AK8: variants seen among roughly 807,000 people sequenced by gnomAD.
The protein encoded by AK8 is adenylate kinase 8, also known as ATP-AMP transphosphorylase 8.
In AK8, 44 loss-of-function variants were observed where a neutral mutation model predicts 54.6. The ratio of observed to expected loss-of-function variants is 0.81; its 90% CI spans 0.63 to 1.04. The LOEUF is 1.04. Ranked by LOEUF, AK8 falls within the 50% of genes least tolerant of loss-of-function variation. The pLI, the probability that AK8 is intolerant of heterozygous loss-of-function variation, is 0.00. For missense variants in AK8, 555 were observed against 613.6 expected (o/e 0.90, Z 1.01); for synonymous variants, 239 against 245.6 (o/e 0.97, Z 0.25).
chr9:132,854,744 C>A, intron 5 of AK8, 113 bp downstream of exon 5: 2 of 1,182,900 alleles, frequency 1.7e-6, no homozygotes, highest in Non-Finnish European at 2.5e-6. Context: ...TTCCCGTTTG[C>A]CTGCCTTACC....
At chr9:132,854,380 C>T (rs994027991) in intron 5 of AK8, among the ~76,000 whole-genome samples, 1 of 152,166 alleles carries the variant, frequency 6.6e-6, no homozygotes, top group Non-Finnish European at 1.5e-5. Context: ...CCCTCCCCTG[C>T]CCTCTCCACC....
Position 132,725,705 on chromosome 9 carries a change from G to C in AK8, c.1423C>G (p.Pro475Ala), listed in dbSNP as rs774005338. ...TGAACCCATCAGGGGATTTTCTTGG[G>C]CAGGGGATTAATGATCCCACTCTCG... is the stretch of plus-strand genomic sequence containing the variant. Reference protein sequence around the residue: ...YIESGIINPLPKKIP With the variant: ...YIESGIINPLAKKIP The change falls in exon 13 of 13, where the codon CCC becomes GCC. Residue 475 changes from proline (P) to alanine (A), a missense_variant. Transcript: ENST00000298545. 6.3e-7 allele frequency: 1 copy of C among 1,576,184 alleles called. No homozygotes were observed. The highest frequency in any genetic ancestry group is 1.9e-5 in the Admixed American group (1 of 54,042).
At chr9:132,862,504 A>C (rs1301715722) in intron 4 of AK8, among the ~76,000 whole-genome samples, 1 of 151,570 alleles carries the variant, frequency 6.6e-6, no homozygotes. Flanking sequence ...ATTTTTTTGT[A>C]TTTTGGTAGA....
chr9:132,828,589 G>A, intron 6 of AK8, 56 bp downstream of exon 6: 1 of 1,522,762 alleles, frequency 6.6e-7, no homozygotes, highest in Non-Finnish European at 9.0e-7. Flanking sequence ...GGCGCTCACT[G>A]GCCACCCCTT....
Position 132,837,919 on chromosome 9 carries a change from T to G in AK8, c.403-9193A>C, listed in dbSNP as rs1181509552. Among the ~76,000 whole-genome samples the G allele has an allele frequency of 6.6e-6, 1 of 152,174 alleles. No homozygotes were observed. Among genetic ancestry groups the G allele is most frequent in the East Asian group, 1.9e-4 (1 of 5,192 alleles). On this transcript the variant is annotated intron_variant, in intron 5 of 12. Transcript: ENST00000298545. This position sits in a 1 kb window ranked among gnomAD's most constrained non-coding sequence, Gnocchi z 4.3. ...ACTCAGACCTCCACTTCCAATCCCC[T>G]GCAAAGCTAACTGCATCTGTATTTG...
intron 5 of AK8, among the ~76,000 whole-genome samples, chr9:132,847,770 C>CA (rs1285666973): frequency 2.0e-5 from 3 of 152,136 alleles, no homozygotes; most frequent in South Asian, 2.1e-4. Context: ...CACTTAAGCA[C>CA]AGGAGTTTGA....
intron 11 of AK8, among the ~76,000 whole-genome samples, chr9:132,745,204 T>C (rs1837585242): frequency 6.6e-6 from 1 of 152,168 alleles, no homozygotes; most frequent in African/African-American, 2.4e-5. Flanking sequence ...GCGATTAAAT[T>C]ATAATGCGGG....
chr9:132,802,105 C>G (rs1402104798), intron 10 of AK8, among the ~76,000 whole-genome samples: 1 of 152,232 alleles, frequency 6.6e-6, no homozygotes, highest in Admixed American at 6.5e-5. Flanking sequence ...CAAAATTGGG[C>G]TCCAAAGCCA....
Position 132,878,058 on chromosome 9 carries a change from G to A in AK8, c.84+114C>T. ...CGAATCGTACATCCCGAGTTGGGCT[G>A]CTTCGTGGGCGCGCGACTCGGCCCC... On this transcript the variant is annotated intron_variant, in intron 1 of 12. Coordinates refer to ENST00000298545, the MANE Select transcript of AK8 (RefSeq NM_152572.3). The surrounding 1 kb of genome is among the most constrained non-coding windows in gnomAD (Gnocchi z 4.7). 2 of 1,535,138 alleles carry A rather than the reference G, an allele frequency of 1.3e-6. No individual in the cohort carries two copies. The highest frequency in any genetic ancestry group is 1.8e-6 in the Non-Finnish European group (2 of 1,135,566).
intron 5 of AK8, among the ~76,000 whole-genome samples, chr9:132,844,862 C>A (rs149975089): frequency 6.6e-6 from 1 of 152,190 alleles, no homozygotes; most frequent in Non-Finnish European, 1.5e-5. Flanking sequence ...CAGAGTAACA[C>A]GCTCTGTGCC....
At position 132,878,089 on chromosome 9, in the gene AK8, C is replaced by T; in HGVS notation, c.84+83G>A. The T allele has an allele frequency of 6.5e-7, 1 of 1,534,680 alleles. No individual in the cohort carries two copies. The highest frequency in any genetic ancestry group is 8.8e-7 in the Non-Finnish European group (1 of 1,135,812). Reference sequence around the variant, plus strand: ...TGGGCGCGCGACTCGGCCCCAGCTGCGGGTCCCGGCCGCGCACCCGACGTC... The same window carrying T: ...TGGGCGCGCGACTCGGCCCCAGCTGTGGGTCCCGGCCGCGCACCCGACGTC... On this transcript the variant is annotated intron_variant, in intron 1 of 12. Transcript: ENST00000298545. The surrounding 1 kb of genome is among the most constrained non-coding windows in gnomAD (Gnocchi z 4.7).
At chr9:132,875,634 C>A (rs1224488135) in intron 1 of AK8, among the ~76,000 whole-genome samples, 1 of 152,242 alleles carries the variant, frequency 6.6e-6, no homozygotes, top group Non-Finnish European at 1.5e-5. Context: ...TGGGAACATA[C>A]CTTCCTGAGT....
chr9:132,827,723 G>A (rs988124713), intron 7 of AK8: 1 of 432,104 alleles, frequency 2.3e-6, no homozygotes, highest in Non-Finnish European at 4.2e-6. Context: ...ATGTCCCCTG[G>A]CTCCTGTGTG....
Position 132,791,679 on chromosome 9 carries a change from A to G in AK8, c.1121+955T>C, listed in dbSNP as rs888428066. The stretch of plus-strand genomic sequence containing the variant: ...GAGAAAGTTCAGAAACAGGCCCAGT[A>G]TATTGAGAGACTAAACACACAGTTT... On this transcript the variant is annotated intron_variant, in intron 11 of 12. Transcript: ENST00000298545. The surrounding 1 kb of genome is among the most constrained non-coding windows in gnomAD (Gnocchi z 4.0). Among the ~76,000 whole-genome samples, 16 of 152,210 alleles carry G rather than the reference A, an allele frequency of 1.1e-4. No homozygotes were observed. The highest frequency in any genetic ancestry group is 3.9e-4 in the African/African-American group (16 of 41,444).
At position 132,866,898 on chromosome 9, in the gene AK8, A is replaced by C. The variant is rs763361131; in HGVS notation, c.219+6T>G. 5 of 1,613,438 alleles carry C rather than the reference A, an allele frequency of 3.1e-6. No homozygotes were observed. In the South Asian group the frequency reaches 4.4e-5, roughly 14 times the overall value. The stretch of plus-strand genomic sequence containing the variant: ...AGCATCACAACACTTAATATGATAC[A>C]CTTACTATTGTTGTTTTCCCTGAGG... On this transcript the variant is annotated splice_donor_region_variant and intron_variant, in intron 3 of 12. Transcript: ENST00000298545.
In AK8 at chr9:132,799,410, G is replaced by A. The variant is rs1168416648; in HGVS notation, c.980-6635C>T. Among the ~76,000 whole-genome samples the A allele has an allele frequency of 6.6e-6, 1 of 151,986 alleles. No individual in the cohort carries two copies. Among genetic ancestry groups the A allele is most frequent in the Non-Finnish European group, 1.5e-5 (1 of 67,996 alleles). ...CATGTGAGCCTCCTTGGCACCCTAG[G>A]GCAAACAGGAAAGAGCTGAGTGCCT... is the stretch of plus-strand genomic sequence containing the variant. On this transcript the variant is annotated intron_variant, in intron 10 of 12. Coordinates refer to ENST00000298545, the MANE Select transcript of AK8 (RefSeq NM_152572.3). The surrounding 1 kb of genome is among the most constrained non-coding windows in gnomAD (Gnocchi z 5.0).
Position 132,842,851 on chromosome 9 carries a change from G to A in AK8, c.402+12006C>T, listed in dbSNP as rs542345701. The stretch of plus-strand genomic sequence containing the variant: ...ACATGACTGAGGGCTCCGGTTTCTC[G>A]CTTGCTAGGGGCTGGAGGCCCCTGC... On this transcript the variant is annotated intron_variant, in intron 5 of 12. Coordinates refer to ENST00000298545, the MANE Select transcript of AK8 (RefSeq NM_152572.3). Among the ~76,000 whole-genome samples the A allele has an allele frequency of 3.3e-5, 5 of 152,336 alleles. No individual in the cohort carries two copies. The East Asian group carries it at 5.8e-4, about 18-fold the overall frequency.
intron 4 of AK8, among the ~76,000 whole-genome samples, chr9:132,862,141 C>G (rs188994015): frequency 6.6e-6 from 1 of 152,144 alleles, no homozygotes; most frequent in African/African-American, 2.4e-5. Flanking sequence ...ATTCCCAGCC[C>G]GAAAGGCTGG....
rs547852978 is a variant in AK8, at chr9:132,818,046, A to C, written c.890-3319T>G. ...TTTCATCAGAAGAAGTGCAAGCCGG[A>C]AGACAATAGAATGACATCTTTAAAG... is the stretch of plus-strand genomic sequence containing the variant. On this transcript the variant is annotated intron_variant, in intron 9 of 12. Coordinates refer to ENST00000298545, the MANE Select transcript of AK8 (RefSeq NM_152572.3). Among the ~76,000 whole-genome samples the C allele has an allele frequency of 6.6e-5, 10 of 152,372 alleles. No individual in the cohort carries two copies. The East Asian group carries it at 1.9e-3, about 29-fold the overall frequency.
Sources: gnomAD v4.1 joint callset for allele counts (sites outside exome capture counted in the v4.1 genomes callset) on GRCh38, gnomAD v4.1.1 for gene constraint, Gnocchi (gnomAD v3.1) non-coding constraint, MANE v1.5 for transcripts, NCBI Gene and HGNC (gene_info 2026-07-23, HGNC 2026-07-21) for gene names.